Variants in RAB6B observed in about 807,000 individuals in gnomAD.
RAB6B encodes the protein RAB6B, member RAS oncogene family.
A neutral mutation model predicts 31.2 loss-of-function variants in RAB6B; 7 were observed. That is an observed-to-expected ratio of 0.22 (90% CI 0.13 to 0.42). The LOEUF is 0.42. Ranked by LOEUF, RAB6B falls within the 10% of genes least tolerant of loss-of-function variation. The pLI is 1.00. For synonymous variants in RAB6B, 105 were observed against 104.9 expected, an observed-to-expected ratio of 1.00 and a Z score of -0.01; for missense variants, 149 against 280.6, an observed-to-expected ratio of 0.53 and a Z score of 3.35.
chr3:133,842,103 G>A (rs146677611), intron 2 of RAB6B, among the ~76,000 whole-genome samples: 3 of 152,346 alleles, frequency 2.0e-5, no homozygotes, highest in Non-Finnish European at 4.4e-5. Context: ...CCTCGGGAGG[G>A]TGGGAGGCAG....
At chr3:133,840,869 T>C (rs1423982234) in intron 4 of RAB6B, among the ~76,000 whole-genome samples, 1 of 152,158 alleles carries the variant, frequency 6.6e-6, no homozygotes, top group Non-Finnish European at 1.5e-5. Flanking sequence ...CCACAGCTGC[T>C]GGGCCGGGGT....
intron 2 of RAB6B, among the ~76,000 whole-genome samples, chr3:133,842,097 G>A (rs1237131138): frequency 2.6e-5 from 4 of 152,236 alleles, no homozygotes; most frequent in Admixed American, 2.6e-4. Context: ...CACTGACCTC[G>A]GGAGGGTGGG....
chr3:133,830,380 AT>A (rs1162943329), intron 7 of RAB6B, among the ~76,000 whole-genome samples: 2 of 152,194 alleles, frequency 1.3e-5, no homozygotes, highest in Non-Finnish European at 2.9e-5. Context: ...AGGCCTCCCC[AT>A]TTAGGGTCAC....
At chr3:133,871,915 C>A in intron 1 of RAB6B, among the ~76,000 whole-genome samples, 1 of 152,234 alleles carries the variant, frequency 6.6e-6, no homozygotes, top group East Asian at 1.9e-4. Flanking sequence ...GGATCCTGAT[C>A]CTCCTGGGGT....
At chr3:133,841,788 A>G (rs1935837126) in intron 2 of RAB6B, 125 bp from the exon 3 acceptor site, 2 of 870,358 alleles carry the variant, frequency 2.3e-6, no homozygotes, top group Admixed American at 2.2e-5. Flanking sequence ...TAATGTGGCC[A>G]TGCTCTGTCC....
intron 1 of RAB6B, among the ~76,000 whole-genome samples, chr3:133,888,629 T>C (rs573167473): frequency 2.0e-5 from 3 of 152,222 alleles, no homozygotes; most frequent in African/African-American, 7.2e-5. Context: ...CTACAAAAAA[T>C]AAATCACTTT....
intron 2 of RAB6B, among the ~76,000 whole-genome samples, chr3:133,854,807 C>T (rs1019181386): frequency 4.6e-5 from 7 of 152,186 alleles, no homozygotes; most frequent in African/African-American, 1.2e-4. Context: ...CAGCTGATCC[C>T]GGAGGAAAGA....
At chr3:133,895,330 T>A (rs1241075870) in intron 1 of RAB6B, 67 bp downstream of exon 1, 17 of 1,521,138 alleles carry the variant, frequency 1.1e-5, no homozygotes, top group Admixed American at 3.4e-5. Context: ...GGGGTCCCAA[T>A]GGGGTGGGCG....
At chr3:133,869,612 TC>T (rs1236781021) in intron 1 of RAB6B, among the ~76,000 whole-genome samples, 1 of 152,222 alleles carries the variant, frequency 6.6e-6, no homozygotes, top group Non-Finnish European at 1.5e-5. Context: ...TGACATTCCA[TC>T]AGGGGGTGAA....
At chr3:133,876,684 T>C (rs1206771785) in intron 1 of RAB6B, among the ~76,000 whole-genome samples, 2 of 152,178 alleles carry the variant, frequency 1.3e-5, no homozygotes, top group South Asian at 2.1e-4. Context: ...GATAAAACTA[T>C]ATCAATTGCC....
chr3:133,829,421 G>T (rs899318445), intron 7 of RAB6B, among the ~76,000 whole-genome samples: 1 of 152,214 alleles, frequency 6.6e-6, no homozygotes, highest in African/African-American at 2.4e-5. Flanking sequence ...CCCGGGGGCT[G>T]TGGGCTAAAG....
intron 1 of RAB6B, among the ~76,000 whole-genome samples, chr3:133,886,644 T>C (rs1362144934): frequency 6.6e-6 from 1 of 152,148 alleles, no homozygotes; most frequent in Non-Finnish European, 1.5e-5. Context: ...ACCTTCGCTT[T>C]CTTTATAAAA....
At chr3:133,838,117 TACACCGTGCCGG>T (rs1935767623) in intron 6 of RAB6B, 37 bp downstream of exon 6, 4 of 1,543,546 alleles carry the variant, frequency 2.6e-6, no homozygotes, top group Non-Finnish European at 3.6e-6. Flanking sequence ...ACCACAGGGC[TACACCGTGCCGG>T]GCCCCGTGCC....
chr3:133,862,510 C>A (rs1936174377), intron 2 of RAB6B, among the ~76,000 whole-genome samples: 1 of 152,212 alleles, frequency 6.6e-6, no homozygotes, highest in African/African-American at 2.4e-5. Flanking sequence ...CTGCTCAGAC[C>A]AAACATGTGC....
chr3:133,871,751 C>T (rs1005153353), intron 1 of RAB6B, among the ~76,000 whole-genome samples: 13 of 152,364 alleles, frequency 8.5e-5, no homozygotes, highest in Admixed American at 7.2e-4. Flanking sequence ...CCAGAGACTG[C>T]ACGGAGGGTT....
chr3:133,860,106 C>G (rs1576401611), intron 2 of RAB6B, among the ~76,000 whole-genome samples: 2 of 152,106 alleles, frequency 1.3e-5, no homozygotes, highest in African/African-American at 4.8e-5. Context: ...GGTCCAGTCC[C>G]CATTGGGATC....
rs1297673041 is a variant in RAB6B at position 133,824,773 on chromosome 3, C to G, written c.*4015G>C. On this transcript the variant is annotated 3_prime_UTR_variant, in exon 8 of 8. Transcript: ENST00000285208. ...CATATGCTGGGAAGAACCTAGTGTCCTAACCAAAAAGAGTAGAGATGGTCT... is the reference window on the plus strand; with the variant it reads ...CATATGCTGGGAAGAACCTAGTGTCGTAACCAAAAAGAGTAGAGATGGTCT... The G allele has an allele frequency of 6.6e-6, 1 of 152,072 alleles. No individual in the cohort carries two copies. The highest frequency in any genetic ancestry group is 1.5e-5 in the Non-Finnish European group (1 of 68,018). The allele number at this position is 152,072 out of a possible 1,614,324, so 9.4% of individuals were successfully genotyped here. A position where few individuals can be genotyped will look rare whatever the true frequency, so the allele number is the denominator to read the frequency against.
chr3:133,890,645 C>T (rs1355348112), intron 1 of RAB6B, among the ~76,000 whole-genome samples: 3 of 152,108 alleles, frequency 2.0e-5, no homozygotes, highest in Non-Finnish European at 4.4e-5. Context: ...CAAGCCACCT[C>T]AACTTCCTTC....
intron 7 of RAB6B, among the ~76,000 whole-genome samples, chr3:133,830,962 C>T (rs1054355126): frequency 2.0e-5 from 3 of 152,136 alleles, no homozygotes; most frequent in African/African-American, 7.2e-5. Flanking sequence ...AAGACATTGC[C>T]AAATGTCCCC....
Sources: allele counts gnomAD v4.1 joint callset (sites outside exome capture counted in the v4.1 genomes callset), GRCh38; gene constraint gnomAD v4.1.1; transcripts MANE v1.5; gene names NCBI Gene and HGNC (gene_info 2026-07-23, HGNC 2026-07-21).